Variants in RHOBTB3 observed in about 807,000 individuals in gnomAD.
The protein encoded by RHOBTB3 is rho-related BTB domain-containing protein 3.
A neutral mutation model predicts 67.2 loss-of-function variants in RHOBTB3; 47 were observed. That is an observed-to-expected ratio of 0.70 (90% CI 0.55 to 0.89). RHOBTB3 has a LOEUF of 0.89. RHOBTB3 is among the 40% of genes least tolerant of loss of function. The probability of loss-of-function intolerance (pLI) is 0.00; values close to 1 mark genes in which losing one functional copy is unlikely to be tolerated. For synonymous variants in RHOBTB3, 273 were observed against 274.2 expected (o/e 1.00, Z 0.04); for missense variants, 631 against 750.0 (o/e 0.84, Z 1.85).
chr5:95,750,386 C>T (rs1045725726), intron 4 of RHOBTB3, among the ~76,000 whole-genome samples: 3 of 152,142 alleles, frequency 2.0e-5, no homozygotes, highest in Non-Finnish European at 2.9e-5. Context: ...TCTAGACCTG[C>T]GCTGTCCAGT....
chr5:95,772,735 T>C (rs1288691253), intron 8 of RHOBTB3, among the ~76,000 whole-genome samples: 1 of 152,206 alleles, frequency 6.6e-6, no homozygotes, highest in African/African-American at 2.4e-5. Flanking sequence ...CCTAGAACTG[T>C]GACTTGCCTT....
rs1746537545 is a variant in RHOBTB3, at chr5:95,795,294, G to GT, written c.*2121dup. 6.6e-6 allele frequency: 1 copy of GT among 152,044 alleles called. No homozygotes were observed. The highest frequency in any genetic ancestry group is 1.5e-5 in the Non-Finnish European group (1 of 68,002). 9.4% of individuals were successfully genotyped at this position (152,044 alleles called of 1,614,324 possible). ...ATCCCATTTGACAAAGATTAGCATT[G>GT]TAAAAAACAGATACTGTGGTAGATT... On this transcript the variant is annotated 3_prime_UTR_variant, in exon 12 of 12. Coordinates refer to ENST00000379982, the MANE Select transcript of RHOBTB3 (RefSeq NM_014899.4).
intron 6 of RHOBTB3, among the ~76,000 whole-genome samples, chr5:95,756,526 C>T (rs1384000024): frequency 6.6e-6 from 1 of 152,164 alleles, no homozygotes; most frequent in Non-Finnish European, 1.5e-5. Flanking sequence ...CATATATACA[C>T]AGAAGTGGAA....
chr5:95,767,925 A>G (rs1292722185), intron 7 of RHOBTB3, 121 bp from the exon 8 acceptor site: 18 of 945,894 alleles, frequency 1.9e-5, no homozygotes, highest in South Asian at 2.7e-5. Context: ...CAGAGATGTC[A>G]TAGAGTAGGG....
intron 8 of RHOBTB3, among the ~76,000 whole-genome samples, chr5:95,778,864 C>G (rs551587387): frequency 6.6e-6 from 1 of 152,326 alleles, no homozygotes; most frequent in East Asian, 1.9e-4. Flanking sequence ...GGGAGTGTGC[C>G]TGCCAGGAGG....
intron 7 of RHOBTB3, among the ~76,000 whole-genome samples, chr5:95,766,554 T>C (rs1332271291): frequency 1.3e-5 from 2 of 150,844 alleles, no homozygotes; most frequent in Non-Finnish European, 2.9e-5. Flanking sequence ...CCTGAAAATA[T>C]TCAGGCTTGT....
At chr5:95,737,181 A>G (rs1755473972) in intron 3 of RHOBTB3, 106 bp downstream of exon 3, 1 of 739,860 alleles carries the variant, frequency 1.4e-6, no homozygotes, top group East Asian at 3.1e-5. Flanking sequence ...TGAAAACCAA[A>G]ATGACTTTGG....
intron 3 of RHOBTB3, among the ~76,000 whole-genome samples, chr5:95,743,539 T>C (rs1488583216): frequency 6.6e-6 from 1 of 152,112 alleles, no homozygotes. Flanking sequence ...CTTCATTCTC[T>C]CAAGCACTCC....
intron 2 of RHOBTB3, among the ~76,000 whole-genome samples, chr5:95,735,934 T>A (rs1321814502): frequency 6.6e-6 from 1 of 152,074 alleles, no homozygotes; most frequent in Non-Finnish European, 1.5e-5. Context: ...AAACCCCATC[T>A]CTGCTAAAGT....
At chr5:95,722,589 A>C (rs963731964) in intron 1 of RHOBTB3, among the ~76,000 whole-genome samples, 14 of 152,232 alleles carry the variant, frequency 9.2e-5, no homozygotes, top group Middle Eastern at 3.4e-3. Flanking sequence ...TCCTGGGTTC[A>C]AGCAATTCTC....
At chr5:95,746,726 C>T (rs2112789145) in intron 3 of RHOBTB3, among the ~76,000 whole-genome samples, 1 of 152,128 alleles carries the variant, frequency 6.6e-6, no homozygotes, top group South Asian at 2.1e-4. Context: ...TATCTCTAAC[C>T]CACAAAGAGA....
chr5:95,736,453 G>T (rs1755456738), intron 2 of RHOBTB3, among the ~76,000 whole-genome samples: 2 of 152,162 alleles, frequency 1.3e-5, no homozygotes, highest in Admixed American at 1.3e-4. Flanking sequence ...AAAATGTATT[G>T]CAGTTCAGAA....
intron 2 of RHOBTB3, chr5:95,732,425 T>C (rs1183415883): frequency 1.1e-5 from 6 of 542,484 alleles, no homozygotes; most frequent in Non-Finnish European, 2.0e-5. Flanking sequence ...AGCAGTGTTT[T>C]TTTATGTCTA....
At position 95,779,112 on chromosome 5, in the gene RHOBTB3, AATT is replaced by A. The variant is rs149608977; in HGVS notation, c.1283-1139_1283-1137del. 3.8e-3 allele frequency among the ~76,000 whole-genome samples: 584 copies of A among 152,354 alleles called. 2 individuals carry two copies. The highest frequency in any genetic ancestry group is 0.014 in the African/African-American group (567 of 41,578). ...ATTTAAAAGGGATGAAGAACCCAAT[AATT>A]GTAAATGCTTTAGAGAAGACTATAT... On this transcript the variant is annotated intron_variant, in intron 8 of 11. Transcript: ENST00000379982.
chr5:95,766,714 C>T (rs1745554677), intron 7 of RHOBTB3, among the ~76,000 whole-genome samples: 1 of 151,954 alleles, frequency 6.6e-6, no homozygotes, highest in South Asian at 2.1e-4. Flanking sequence ...ACCTGAAGAC[C>T]ACAGAAAGGA....
chr5:95,788,958 T>G (rs541660998), intron 11 of RHOBTB3, 100 bp downstream of exon 11: 1 of 684,758 alleles, frequency 1.5e-6, no homozygotes, highest in Non-Finnish European at 2.4e-6. Flanking sequence ...AAAATAAGAA[T>G]AGTCAATGTA....
At chr5:95,734,668 A>G (rs149958916) in intron 2 of RHOBTB3, among the ~76,000 whole-genome samples, 5 of 152,232 alleles carry the variant, frequency 3.3e-5, no homozygotes, top group South Asian at 2.1e-4. Context: ...GGTGTGGTAC[A>G]TTATTATTTC....
At position 95,793,225 on chromosome 5, in the gene RHOBTB3, A is replaced by G; in HGVS notation, c.*51A>G. On this transcript the variant is annotated 3_prime_UTR_variant, in exon 12 of 12. Transcript: ENST00000379982. ...CTTTTTTATTATTATGAAGAATGGG[A>G]TACCTCCAGGTTCCAGTAAAATTCT... The G allele has an allele frequency of 8.2e-7, 1 of 1,220,188 alleles. No homozygotes were observed. The highest frequency in any genetic ancestry group is 2.1e-5 in the Admixed American group (1 of 47,588). 75.6% of individuals were successfully genotyped at this position (1,220,188 alleles called of 1,614,324 possible). A position where few individuals can be genotyped will look rare whatever the true frequency, so the allele number is the denominator to read the frequency against.
At chr5:95,784,185 A>G (rs1053831161) in intron 10 of RHOBTB3, among the ~76,000 whole-genome samples, 2 of 152,170 alleles carry the variant, frequency 1.3e-5, no homozygotes, top group African/African-American at 2.4e-5. Context: ...AAATGTCCAG[A>G]TACGGAATTT....
Sources: gnomAD v4.1 joint callset for allele counts (sites outside exome capture counted in the v4.1 genomes callset) on GRCh38, gnomAD v4.1.1 for gene constraint, MANE v1.5 for transcripts, NCBI Gene and HGNC (gene_info 2026-07-23, HGNC 2026-07-21) for gene names.